BCAS3: variants seen among roughly 807,000 people sequenced by gnomAD.
BCAS3 encodes the protein BCAS3 microtubule associated cell migration factor.
Under a neutral mutation model 116.1 loss-of-function variants are expected in BCAS3, and 53 were observed. That is an observed-to-expected ratio of 0.46 (90% CI 0.37 to 0.57). The LOEUF (loss-of-function observed/expected upper bound fraction) is 0.57, where lower values mean the gene tolerates loss of function less well. BCAS3 is among the 20% of genes least tolerant of loss of function. BCAS3 has a pLI of 0.00. For synonymous variants in BCAS3, 391 were observed against 408.2 expected (o/e 0.96, Z 0.51); for missense variants, 917 against 1,165.4 (o/e 0.79, Z 3.10).
At chr17:60,867,137 C>A (rs2054669101) in intron 7 of BCAS3, among the ~76,000 whole-genome samples, 1 of 147,408 alleles carries the variant, frequency 6.8e-6, no homozygotes, top group Non-Finnish European at 1.5e-5. Flanking sequence ...GAGGCAGTTT[C>A]ACTCTGTCGT....
intron 13 of BCAS3, among the ~76,000 whole-genome samples, chr17:60,932,512 C>T (rs537625085): frequency 5.3e-5 from 8 of 151,446 alleles, no homozygotes; most frequent in South Asian, 2.1e-4. Context: ...GAGGCCGAGG[C>T]GGGTGGATCA....
In BCAS3 at chr17:60,835,346, C is replaced by T. The variant is rs557599725; in HGVS notation, c.476+27270C>T. On this transcript the variant is annotated intron_variant, in intron 7 of 23. Coordinates refer to ENST00000407086, the MANE Select transcript of BCAS3 (RefSeq NM_017679.5). ...ATTATATTATCTACTACATGAATACCGAAGGCAGATTTGTTAGTTTTTTCT... is the reference window on the plus strand; with the variant it reads ...ATTATATTATCTACTACATGAATACTGAAGGCAGATTTGTTAGTTTTTTCT... Among the ~76,000 whole-genome samples, 32 of 151,924 alleles carry T rather than the reference C, an allele frequency of 2.1e-4. No individual in the cohort carries two copies. In the South Asian group the frequency reaches 5.8e-3, roughly 28 times the overall value.
At chr17:60,947,146 G>A in intron 13 of BCAS3, 73 bp from the exon 14 acceptor site, 1 of 1,420,788 alleles carries the variant, frequency 7.0e-7, no homozygotes, top group East Asian at 2.3e-5. Context: ...TAAATATTGT[G>A]AATAGCTTTT....
At chr17:61,055,131 T>TA (rs1295219569) in intron 19 of BCAS3, among the ~76,000 whole-genome samples, 3 of 152,194 alleles carry the variant, frequency 2.0e-5, no homozygotes, top group Non-Finnish European at 2.9e-5. Context: ...AATGAGGAGC[T>TA]AAAATAGAAT....
chr17:60,743,921 G>A (rs1012801635), intron 5 of BCAS3, among the ~76,000 whole-genome samples: 2 of 152,124 alleles, frequency 1.3e-5, no homozygotes, highest in African/African-American at 2.4e-5. Context: ...TTCACCATGC[G>A]AAAGCTATTT....
At chr17:60,797,973 G>A (rs2047366901) in intron 6 of BCAS3, among the ~76,000 whole-genome samples, 1 of 152,124 alleles carries the variant, frequency 6.6e-6, no homozygotes, top group Non-Finnish European at 1.5e-5. Flanking sequence ...GCTGGAAGGT[G>A]GAAGTTTCAG....
At chr17:60,810,358 G>A (rs1219121119) in intron 7 of BCAS3, 4 of 446,602 alleles carry the variant, frequency 9.0e-6, no homozygotes, top group African/African-American at 2.0e-5. Context: ...GGGCCTGGTT[G>A]TGGGGATGGC....
Position 61,137,495 on chromosome 17 carries a change from G to T in BCAS3, c.2425+52931G>T, listed in dbSNP as rs557599035. ...AAAATGCTAAAAACTGGGGCCAGGCGTGGTGGCACACGCCTGTAATCCCAG... is the reference window on the plus strand; with the variant it reads ...AAAATGCTAAAAACTGGGGCCAGGCTTGGTGGCACACGCCTGTAATCCCAG... On this transcript the variant is annotated intron_variant, in intron 22 of 23. Transcript: ENST00000407086. Among the ~76,000 whole-genome samples the T allele has an allele frequency of 5.9e-5, 9 of 152,340 alleles. No individual in the cohort carries two copies. In the East Asian group the frequency reaches 1.7e-3, roughly 29 times the overall value.
chr17:61,018,249 C>T (rs1421391970), intron 16 of BCAS3, among the ~76,000 whole-genome samples: 1 of 142,348 alleles, frequency 7.0e-6, no homozygotes, highest in East Asian at 2.2e-4. Context: ...AGAAATGTTT[C>T]AAGACTAGCC....
chr17:60,766,387 C>T (rs1171628146), intron 6 of BCAS3, among the ~76,000 whole-genome samples: 1 of 152,092 alleles, frequency 6.6e-6, no homozygotes, highest in African/African-American at 2.4e-5. Context: ...TGTGGATGTC[C>T]TTTTTGTTGA....
chr17:61,245,929 G>A (rs184500614), intron 22 of BCAS3, among the ~76,000 whole-genome samples: 8 of 152,300 alleles, frequency 5.3e-5, no homozygotes, highest in African/African-American at 4.8e-5. Flanking sequence ...TGCACTCAGC[G>A]TGAGGCTGAA....
intron 22 of BCAS3, among the ~76,000 whole-genome samples, chr17:61,232,845 A>AT: frequency 6.6e-6 from 1 of 151,962 alleles, no homozygotes. Context: ...TATGTTAACT[A>AT]TTTTCTTTTT....
rs554224475 is a variant in BCAS3, at chr17:61,118,242, C to T, written c.2425+33678C>T. Among the ~76,000 whole-genome samples the T allele has an allele frequency of 6.6e-6, 1 of 152,260 alleles. No individual in the cohort carries two copies. The highest frequency in any genetic ancestry group is 2.1e-4 in the South Asian group (1 of 4,820). ...CAGGTTCCTTACCACACTACTGTTA[C>T]CACCCAATCAGGTTACTACTTGGGA... is the stretch of plus-strand genomic sequence containing the variant. On this transcript the variant is annotated intron_variant, in intron 22 of 23. Coordinates refer to ENST00000407086, the MANE Select transcript of BCAS3 (RefSeq NM_017679.5). This position sits in a 1 kb window ranked among gnomAD's most constrained non-coding sequence, Gnocchi z 5.0.
chr17:61,135,305 C>T (rs547788175), intron 22 of BCAS3, among the ~76,000 whole-genome samples: 108 of 152,340 alleles, frequency 7.1e-4, no homozygotes, highest in African/African-American at 2.5e-3. Context: ...AATCAAATTA[C>T]ATCAGTGTCA....
intron 13 of BCAS3, among the ~76,000 whole-genome samples, chr17:60,937,779 A>G (rs531515192): frequency 1.3e-5 from 2 of 152,264 alleles, no homozygotes; most frequent in East Asian, 3.9e-4. Context: ...CCAAATTCCT[A>G]CTAACCTCCA....
Position 61,251,030 on chromosome 17 carries a change from G to A in BCAS3, c.2426-117297G>A, listed in dbSNP as rs2048332017. Among the ~76,000 whole-genome samples, 1 of 152,126 alleles carries A rather than the reference G, an allele frequency of 6.6e-6. No individual in the cohort carries two copies. On this transcript the variant is annotated intron_variant, in intron 22 of 23. Coordinates refer to ENST00000407086, the MANE Select transcript of BCAS3 (RefSeq NM_017679.5). This position sits in a 1 kb window ranked among gnomAD's most constrained non-coding sequence, Gnocchi z 4.7. ...CTTCCTCCTCCCCAAGAATTCAGAT[G>A]GTGAAACACCCTCATCCCTCCAGCC... is the stretch of plus-strand genomic sequence containing the variant.
chr17:61,142,124 G>T (rs532278986), intron 22 of BCAS3, among the ~76,000 whole-genome samples: 1 of 151,376 alleles, frequency 6.6e-6, no homozygotes, highest in African/African-American at 2.4e-5. Context: ...TTATTATTAA[G>T]GTACTTGGCT....
Position 61,233,877 on chromosome 17 carries a change from T to C in BCAS3, c.2426-134450T>C, listed in dbSNP as rs1231806463. ...TGGCTTCAGTTCTGGCCCCTGAGGC[T>C]CTTTCCTGTCTAGTTGAGCTTTCTT... On this transcript the variant is annotated intron_variant, in intron 22 of 23. Transcript: ENST00000407086. The surrounding 1 kb of genome is among the most constrained non-coding windows in gnomAD (Gnocchi z 4.3). 6.6e-6 allele frequency among the ~76,000 whole-genome samples: 1 copy of C among 152,184 alleles called. No individual in the cohort carries two copies. The highest frequency in any genetic ancestry group is 1.5e-5 in the Non-Finnish European group (1 of 68,026).
intron 22 of BCAS3, among the ~76,000 whole-genome samples, chr17:61,123,118 C>T (rs1027613979): frequency 6.6e-6 from 1 of 151,828 alleles, no homozygotes; most frequent in Admixed American, 6.6e-5. Flanking sequence ...ATTTTTTGTA[C>T]TTTTGGTAGA....
Sources: gnomAD v4.1 joint callset for allele counts (sites outside exome capture counted in the v4.1 genomes callset) on GRCh38, gnomAD v4.1.1 for gene constraint, Gnocchi (gnomAD v3.1) non-coding constraint, MANE v1.5 for transcripts, NCBI Gene and HGNC (gene_info 2026-07-23, HGNC 2026-07-21) for gene names.